PARP10: variants seen among roughly 807,000 people sequenced by gnomAD.
PARP10 encodes protein mono-ADP-ribosyltransferase PARP10.
Under a neutral mutation model 82.4 loss-of-function variants are expected in PARP10, and 56 were observed. The observed-to-expected ratio is 0.68, with a 90% CI of 0.55 to 0.85. The LOEUF is 0.85. PARP10 is among the 40% of genes least tolerant of loss of function. The pLI, the probability that PARP10 is intolerant of heterozygous loss-of-function variation, is 0.00. For missense variants in PARP10, 1,227 were observed against 1,379.4 expected (o/e 0.89, Z 1.75); for synonymous variants, 576 against 601.1 (o/e 0.96, Z 0.61).
At position 144,011,120 on chromosome 8, in the gene PARP10, A is replaced by G. The variant is rs1834278682; in HGVS notation, c.-80+1410T>C. Reference sequence around the variant, plus strand: ...CTAGATTTTGACCAAACACCTGGACACTATAGCCTCACAAAATTGACACAT... The same window carrying G: ...CTAGATTTTGACCAAACACCTGGACGCTATAGCCTCACAAAATTGACACAT... On this transcript the variant is annotated intron_variant, in intron 1 of 3. Coordinates refer to the PARP10 transcript ENST00000530478. The surrounding 1 kb of genome is among the most constrained non-coding windows in gnomAD (Gnocchi z 4.5). Among the ~76,000 whole-genome samples, 1 of 152,028 alleles carries G rather than the reference A, an allele frequency of 6.6e-6. No homozygotes were observed. Among genetic ancestry groups the G allele is most frequent in the South Asian group, 2.1e-4 (1 of 4,812 alleles).
rs1833742355 is a variant in PARP10 at position 143,977,935 on chromosome 8, G to A, written c.2703C>T (p.Gly901=). 2 of 1,601,210 alleles carry A rather than the reference G, an allele frequency of 1.2e-6. No homozygotes were observed. Residue 901 remains glycine, a synonymous_variant, in exon 10 of 11, where the codon GGC becomes GGT. Transcript: ENST00000313028. ...APAVPDICAH[G]FNRSFCGRNA... is the part of the protein sequence containing the mutation. ...TGCGGCCGCAGAAGCTGCGGTTGAA[G>A]CCGTGGGCGCAGATGTCAGGCACTG...
rs368969089 is a variant in PARP10 at position 143,984,268 on chromosome 8, T to C, written c.1622A>G (p.Gln541Arg). ...HLLQGLEAQF[Q>R]CVFGTERLAT... is the part of the protein sequence containing the mutation. ...CAGGCGCTCTGTCCCAAAGACACAC[T>C]GGAACTGAGCCTCCAGCCCCTGGAG... The change falls in exon 6 of 11, where the codon CAG becomes CGG. Residue 541 changes from glutamine to arginine, a missense_variant. Coordinates refer to ENST00000313028, the MANE Select transcript of PARP10 (RefSeq NM_032789.5). 1.2e-6 allele frequency: 2 copies of C among 1,613,894 alleles called. No homozygotes were observed. Among genetic ancestry groups the C allele is most frequent in the African/African-American group, 2.7e-5 (2 of 74,902 alleles).
At chr8:143,991,268 TCC>T, upstream of PARP10, 1 of 1,552,714 alleles carries the variant, frequency 6.4e-7, no homozygotes, top group Non-Finnish European at 8.8e-7. Context: ...ACAACTATCC[TCC>T]CCCCAACCCT....
Position 143,977,572 on chromosome 8 carries a change from A to C in PARP10, c.2990T>G (p.Leu997Arg). Residue 997 changes from leucine (L) to arginine (R), a missense_variant, in exon 11 of 11, where the codon CTG becomes CGG. By Grantham distance (102) the Leu-to-Arg change is moderately radical (BLOSUM62 -2). Transcript: ENST00000313028. ...CTCGCAGGTGATGAGGTGGGTGGGCAGCGCCTGGGTGTCGTGGAAGATGAC... is the reference window on the plus strand; with the variant it reads ...CTCGCAGGTGATGAGGTGGGTGGGCCGCGCCTGGGTGTCGTGGAAGATGAC... ...IFVIFHDTQA[L>R]PTHLITCEHV... The C allele has an allele frequency of 6.4e-7, 1 of 1,574,462 alleles. No homozygotes were observed. The highest frequency in any genetic ancestry group is 1.2e-5 in the South Asian group (1 of 86,088).
intron 9 of PARP10, among the ~76,000 whole-genome samples, chr8:143,980,315 G>A (rs1260693563): frequency 4.3e-5 from 3 of 69,328 alleles, no homozygotes; most frequent in Admixed American, 4.9e-4. Context: ...GTGAGATTCC[G>A]TCTCAAAAAA....
In PARP10 at chr8:143,980,237, G is replaced by A. The variant is rs1416964295; in HGVS notation, c.2557-2156C>T. Reference sequence around the variant, plus strand: ...CAGGAGGCTGAGGCAGGAGAATGGCGTGAACCCGGGAGGCAGAGCTTGCAG... The same window carrying A: ...CAGGAGGCTGAGGCAGGAGAATGGCATGAACCCGGGAGGCAGAGCTTGCAG... On this transcript the variant is annotated intron_variant, in intron 9 of 10. Coordinates refer to ENST00000313028, the MANE Select transcript of PARP10 (RefSeq NM_032789.5). Among the ~76,000 whole-genome samples the A allele has an allele frequency of 3.4e-4, 48 of 143,030 alleles. 1 individual carries two copies. The highest frequency in any genetic ancestry group is 2.7e-3 in the Admixed American group (38 of 13,872). 93.8% of individuals were successfully genotyped at this position (143,030 alleles called of 152,430 possible). A position where few individuals can be genotyped will look rare whatever the true frequency, so the allele number is the denominator to read the frequency against.
intron 9 of PARP10, among the ~76,000 whole-genome samples, chr8:143,979,263 G>T (rs1427166152): frequency 6.6e-6 from 1 of 152,042 alleles, no homozygotes; most frequent in East Asian, 1.9e-4. Flanking sequence ...GTGAGCCACC[G>T]CAGCTGGCCA....
chr8:143,991,615 A>G (rs1554750517), upstream of PARP10: 1 of 1,602,948 alleles, frequency 6.2e-7, no homozygotes, highest in Non-Finnish European at 8.5e-7. Context: ...GAGTCTCAGG[A>G]AGGGAGGGGT....
At chr8:143,984,505 G>T (rs781981714) in intron 5 of PARP10, 39 bp downstream of exon 5, 1 of 1,591,300 alleles carries the variant, frequency 6.3e-7, no homozygotes, top group Admixed American at 1.7e-5. Context: ...CCAGTAGGAG[G>T]AGGGGGCTGA....
chr8:143,995,139 C>A (rs1304684812), upstream of PARP10, among the ~76,000 whole-genome samples: 1 of 152,184 alleles, frequency 6.6e-6, no homozygotes, highest in African/African-American at 2.4e-5. Flanking sequence ...GCAAAGACCC[C>A]CACTGCCAGA....
At position 143,986,064 on chromosome 8, in the gene PARP10, C is replaced by A; in HGVS notation, c.172G>T (p.Glu58Ter). ...CAGCCAGCCCTCTCACCTGCAGGCT[C>A]TCTGAAGGTGAGGACGCCCCCACAG... is the stretch of plus-strand genomic sequence containing the variant. Reference protein sequence around the residue: ...LGCGGVLTFREPADAERVLAQ... With the variant: ...LGCGGVLTFR Residue 58 changes from glutamate to a stop codon, truncating the protein, a stop_gained, in exon 2 of 11, where the codon GAG (glutamate) becomes TAG (stop). Coordinates refer to ENST00000313028, the MANE Select transcript of PARP10 (RefSeq NM_032789.5). LOFTEE classifies it high-confidence loss of function. 6.2e-7 allele frequency: 1 copy of A among 1,613,996 alleles called. No homozygotes were observed. Among genetic ancestry groups the A allele is most frequent in the Non-Finnish European group, 8.5e-7 (1 of 1,179,974 alleles).
Position 143,977,932 on chromosome 8 carries a change from G to T in PARP10, c.2706C>A (p.Phe902Leu), listed in dbSNP as rs1554746760. The T allele has an allele frequency of 1.2e-6, 2 of 1,601,166 alleles. No individual in the cohort carries two copies. The highest frequency in any genetic ancestry group is 2.2e-5 in the South Asian group (2 of 90,950). Residue 902 changes from phenylalanine (F) to leucine (L), a missense_variant, in exon 10 of 11, where the codon TTC (phenylalanine) becomes TTA (leucine). Physicochemically the swap from Phe to Leu is conservative, Grantham distance 22. Coordinates refer to ENST00000313028, the MANE Select transcript of PARP10 (RefSeq NM_032789.5). ...PAVPDICAHG[F>L]NRSFCGRNAT... ...CGTTGCGGCCGCAGAAGCTGCGGTT[G>T]AAGCCGTGGGCGCAGATGTCAGGCA...
upstream of PARP10, chr8:143,992,379 G>A (rs782654032): frequency 6.2e-7 from 1 of 1,606,590 alleles, no homozygotes; most frequent in Non-Finnish European, 8.5e-7. Context: ...TGCAGGTGAG[G>A]GGCCTCCCGT....
rs1554746394 is a variant in PARP10, at chr8:143,977,347, C to A, written c.*137G>T. On this transcript the variant is annotated 3_prime_UTR_variant, in exon 11 of 11. Coordinates refer to ENST00000313028, the MANE Select transcript of PARP10 (RefSeq NM_032789.5). The stretch of plus-strand genomic sequence containing the variant: ...CCGCTGCTGACCGCCATCCCCCACA[C>A]CGCCTTCTGGAGCCCGCAGAGGGAG... The A allele has an allele frequency of 3.2e-6, 3 of 935,776 alleles. No homozygotes were observed. Among genetic ancestry groups the A allele is most frequent in the Admixed American group, 5.8e-5 (2 of 34,236 alleles). The allele number at this position is 935,776 out of a possible 1,614,324, so 58.0% of individuals were successfully genotyped here.
chr8:143,978,687 G>A (rs1265437251), intron 9 of PARP10, among the ~76,000 whole-genome samples: 3 of 152,144 alleles, frequency 2.0e-5, no homozygotes, highest in African/African-American at 7.2e-5. Flanking sequence ...CCCAGCTAGC[G>A]TTCTAGATGG....
chr8:143,980,318 T>TAAAAAAAAAAAAAA (rs1564247548), intron 9 of PARP10, among the ~76,000 whole-genome samples: 7 of 15,680 alleles, frequency 4.5e-4, no homozygotes, highest in African/African-American at 7.0e-4. Context: ...AGATTCCGTC[T>TAAAAAAAAAAAAAA]CAAAAAAAAA....
rs1287859013 is a variant in PARP10, at chr8:143,984,623, A to G, written c.1379T>C (p.Leu460Pro). The change falls in exon 5 of 11, where the codon CTC (leucine) becomes CCC (proline). Residue 460 changes from leucine (L) to proline (P), a missense_variant. Leu to Pro is a moderately conservative substitution (Grantham distance 98). Transcript: ENST00000313028. ...MEPGAMRFLQ[L>P]YHEDLLAGLG... ...GCCCGCAAGAAGGTCCTCATGGTAG[A>G]GCTGCAGGAAGCGCATCGCCCCTGG... 3.1e-6 allele frequency: 5 copies of G among 1,613,922 alleles called. No homozygotes were observed. The highest frequency in any genetic ancestry group is 3.4e-6 in the Non-Finnish European group (4 of 1,179,966).
upstream of PARP10, among the ~76,000 whole-genome samples, chr8:143,995,676 C>G (rs1199794993): frequency 7.2e-5 from 11 of 152,058 alleles, no homozygotes; most frequent in Admixed American, 7.2e-4. Context: ...CTGGCACTCA[C>G]AGATAGAGGC....
chr8:143,991,455 G>A, upstream of PARP10: 1 of 1,485,744 alleles, frequency 6.7e-7, no homozygotes, highest in Non-Finnish European at 8.9e-7. Context: ...CCCCCAAGGG[G>A]GCTACCCACA....
Sources: allele counts gnomAD v4.1 joint callset (sites outside exome capture counted in the v4.1 genomes callset), GRCh38; gene constraint gnomAD v4.1.1; non-coding constraint Gnocchi (gnomAD v3.1); transcripts MANE v1.5; gene names NCBI Gene and HGNC (gene_info 2026-07-23, HGNC 2026-07-21).